TMEM132D: variants seen among roughly 807,000 people sequenced by gnomAD.
TMEM132D encodes the protein mature OL transmembrane protein.
In TMEM132D, 21 loss-of-function variants were observed where a neutral mutation model predicts 62.3. That is an observed-to-expected ratio of 0.34 (90% CI 0.24 to 0.49). TMEM132D has a LOEUF of 0.49. Among genes scored for constraint, TMEM132D ranks in the 20% least tolerant of loss-of-function variants. The pLI is 0.99. For synonymous variants in TMEM132D, 621 were observed against 575.6 expected, an observed-to-expected ratio of 1.08 and a Z score of -1.13; for missense variants, 1,346 against 1,402.8, an observed-to-expected ratio of 0.96 and a Z score of 0.65.
intron 5 of TMEM132D, among the ~76,000 whole-genome samples, chr12:129,207,664 G>C (rs570599021): frequency 8.6e-4 from 131 of 152,304 alleles, no homozygotes; most frequent in African/African-American, 3.1e-3. Flanking sequence ...TGTGCCTAGC[G>C]TGAGGCCAGC....
rs182233159 is a variant in TMEM132D at position 129,074,271 on chromosome 12, G to A, written c.2904C>T (p.Ser968=). 2.3e-4 allele frequency: 375 copies of A among 1,614,104 alleles called. No individual in the cohort carries two copies. The highest frequency in any genetic ancestry group is 3.0e-4 in the Non-Finnish European group (349 of 1,180,026). ...GATTCTCCAACAGCTCTGTCCGGTT[G>A]CTTAACCCAACCCAGTCATGAGAGT... ...MSHSHDWVGL[S]NRTELLENHI... Residue 968 remains serine (S), a synonymous_variant, in exon 9 of 9, where the codon AGC becomes AGT. Coordinates refer to ENST00000422113, the MANE Select transcript of TMEM132D (RefSeq NM_133448.3).
chr12:129,105,549 TAAAAAAAAAGA>T (rs1303968572), intron 5 of TMEM132D, among the ~76,000 whole-genome samples: 2 of 84,246 alleles, frequency 2.4e-5, no homozygotes, highest in Admixed American at 1.3e-4. Context: ...ATAATAATAA[TAAAAAAAAAGA>T]AAAAAAAAAG....
rs146048779 is a variant in TMEM132D at position 129,738,419 on chromosome 12, GA to G, written c.80-37722del. Among the ~76,000 whole-genome samples, 178 of 152,280 alleles carry G rather than the reference GA, an allele frequency of 1.2e-3. 1 individual carries two copies. Among genetic ancestry groups the G allele is most frequent in the African/African-American group, 4.1e-3 (169 of 41,562 alleles). On this transcript the variant is annotated intron_variant, in intron 1 of 8. Transcript: ENST00000422113. ...GAAAAGGAAAAAAGGAAGAAAGGAA[GA>G]GGGGGGAAGGAAAACAAAAGAGGCT...
At chr12:129,440,724 C>G (rs1398817537) in intron 3 of TMEM132D, among the ~76,000 whole-genome samples, 1 of 152,156 alleles carries the variant, frequency 6.6e-6, no homozygotes, top group Non-Finnish European at 1.5e-5. Context: ...TGCAGATACC[C>G]TTTTACTTCC....
intron 5 of TMEM132D, among the ~76,000 whole-genome samples, chr12:129,126,286 C>T (rs1876211027): frequency 6.6e-6 from 1 of 151,970 alleles, no homozygotes; most frequent in Non-Finnish European, 1.5e-5. Context: ...ATTACACAGC[C>T]AATTAAAAAT....
At chr12:129,510,547 G>T (rs1366876753) in intron 3 of TMEM132D, among the ~76,000 whole-genome samples, 1 of 152,164 alleles carries the variant, frequency 6.6e-6, no homozygotes, top group African/African-American at 2.4e-5. Context: ...CCAGATCAAT[G>T]TCCTAGAGAG....
intron 4 of TMEM132D, among the ~76,000 whole-genome samples, chr12:129,243,542 A>T (rs529420432): frequency 2.6e-5 from 4 of 152,270 alleles, no homozygotes; most frequent in African/African-American, 9.6e-5. Flanking sequence ...ATGTGTAAAC[A>T]ATATTTTTTT....
At chr12:129,347,734 T>C (rs1286334214) in intron 3 of TMEM132D, among the ~76,000 whole-genome samples, 2 of 152,056 alleles carry the variant, frequency 1.3e-5, no homozygotes, top group African/African-American at 4.8e-5. Context: ...CTAAAGAGCT[T>C]CTACACAACA....
intron 3 of TMEM132D, among the ~76,000 whole-genome samples, chr12:129,420,985 A>G (rs10773656): frequency 0.11 from 15,417 of 144,376 alleles, 1,329 homozygotes; most frequent in East Asian, 0.43. Context: ...TTTTTGAGAC[A>G]GAGTCTCGCT....
rs574667680 is a variant in TMEM132D at position 129,714,539 on chromosome 12, G to A, written c.80-13841C>T. Among the ~76,000 whole-genome samples the A allele has an allele frequency of 7.8e-4, 119 of 152,206 alleles. 2 individuals carry two copies. Among genetic ancestry groups the A allele is most frequent in the African/African-American group, 2.8e-3 (115 of 41,518 alleles). The stretch of plus-strand genomic sequence containing the variant: ...ATGCAGGAGGAAACAGTCCTGGACC[G>A]CTAATGTACAGCATAGAGACTGCAG... On this transcript the variant is annotated intron_variant, in intron 1 of 8. Coordinates refer to ENST00000422113, the MANE Select transcript of TMEM132D (RefSeq NM_133448.3).
chr12:129,717,446 C>T (rs1341331262), intron 1 of TMEM132D, among the ~76,000 whole-genome samples: 1 of 150,622 alleles, frequency 6.6e-6, no homozygotes, highest in Non-Finnish European at 1.5e-5. Flanking sequence ...AAAATCTAAG[C>T]AATTTAAAAA....
chr12:129,468,109 G>T (rs536021591), intron 3 of TMEM132D, among the ~76,000 whole-genome samples: 1 of 152,270 alleles, frequency 6.6e-6, no homozygotes, highest in African/African-American at 2.4e-5. Context: ...CAGCCACTCT[G>T]CATCTGAGGC....
intron 3 of TMEM132D, among the ~76,000 whole-genome samples, chr12:129,359,779 AATTTT>A (rs1269987941): frequency 6.6e-6 from 1 of 152,232 alleles, no homozygotes; most frequent in African/African-American, 2.4e-5. Flanking sequence ...GAATAAGTTT[AATTTT>A]AAGAGTTGAC....
In TMEM132D at chr12:129,386,183, C is replaced by T. The variant is rs1158265261; in HGVS notation, c.1116-48366G>A. Among the ~76,000 whole-genome samples, 5 of 152,262 alleles carry T rather than the reference C, an allele frequency of 3.3e-5. No individual in the cohort carries two copies. The East Asian group carries it at 9.6e-4, about 29-fold the overall frequency. Reference sequence around the variant, plus strand: ...ATGGAACTGAGAACATTCTCTTGCCCAATTAATGGAAACTGTTATCAGTTA... The same window carrying T: ...ATGGAACTGAGAACATTCTCTTGCCTAATTAATGGAAACTGTTATCAGTTA... On this transcript the variant is annotated intron_variant, in intron 3 of 8. Transcript: ENST00000422113.
intron 4 of TMEM132D, among the ~76,000 whole-genome samples, chr12:129,280,119 T>G (rs1881103214): frequency 6.6e-6 from 1 of 152,196 alleles, no homozygotes; most frequent in African/African-American, 2.4e-5. Flanking sequence ...AGGGAAACTA[T>G]AGTATTTAAT....
chr12:129,461,107 G>T (rs1873652766), intron 3 of TMEM132D, among the ~76,000 whole-genome samples: 1 of 152,182 alleles, frequency 6.6e-6, no homozygotes, highest in Non-Finnish European at 1.5e-5. Flanking sequence ...AAGGGTTGAG[G>T]GTGGTGGGGA....
intron 2 of TMEM132D, among the ~76,000 whole-genome samples, chr12:129,626,979 T>C (rs1339937274): frequency 6.6e-6 from 1 of 152,074 alleles, no homozygotes; most frequent in Non-Finnish European, 1.5e-5. Flanking sequence ...CAGAACCACC[T>C]GTTTCAAAAA....
chr12:129,544,906 G>A (rs1051876229), intron 2 of TMEM132D, among the ~76,000 whole-genome samples: 10 of 152,192 alleles, frequency 6.6e-5, no homozygotes, highest in African/African-American at 2.4e-4. Flanking sequence ...AGACATCAGG[G>A]TGACTGAGTC....
At position 129,203,102 on chromosome 12, in the gene TMEM132D, C is replaced by T. The variant is rs1878752927; in HGVS notation, c.1443+6418G>A. ...TGCACGTTCAACCACACTGTACCTG[C>T]TTTTGTATCAATCGCTGAGTGTCAG... On this transcript the variant is annotated intron_variant, in intron 5 of 8. Coordinates refer to ENST00000422113, the MANE Select transcript of TMEM132D (RefSeq NM_133448.3). Among the ~76,000 whole-genome samples the T allele has an allele frequency of 2.0e-5, 3 of 152,190 alleles. No homozygotes were observed. The South Asian group carries it at 6.2e-4, about 32-fold the overall frequency.
Sources: allele counts gnomAD v4.1 joint callset (sites outside exome capture counted in the v4.1 genomes callset), GRCh38; gene constraint gnomAD v4.1.1; transcripts MANE v1.5; gene names NCBI Gene and HGNC (gene_info 2026-07-23, HGNC 2026-07-21).